The following ABLIM2 variants were observed in gnomAD, a reference collection of about 807,000 sequenced individuals.
ABLIM2 encodes actin-binding LIM protein 2.
ABLIM2 carries 53 observed loss-of-function variants against 97.7 expected under a neutral mutation model. The observed-to-expected ratio is 0.54, with a 90% CI of 0.44 to 0.68. The LOEUF (loss-of-function observed/expected upper bound fraction) is 0.68, where lower values mean the gene tolerates loss of function less well. Among genes scored for constraint, ABLIM2 ranks in the 30% least tolerant of loss-of-function variants. The pLI, the probability that ABLIM2 is intolerant of heterozygous loss-of-function variation, is 0.00. For synonymous variants in ABLIM2, 361 were observed against 345.8 expected (o/e 1.04, Z -0.49); for missense variants, 835 against 867.2 (o/e 0.96, Z 0.47).
In ABLIM2 at chr4:8,071,693, A is replaced by AACCCCCCC; in HGVS notation, c.675+5934_675+5935insGGGGGGGT. ...ACACCTGACTGCTCTGTCCCCAAAA[A>AACCCCCCC]CCCACCCACCCGCAGCCCCTCCTGG... On this transcript the variant is annotated intron_variant, in intron 6 of 20. Coordinates refer to ENST00000447017, the MANE Select transcript of ABLIM2 (RefSeq NM_001130083.2). The surrounding 1 kb of genome is among the most constrained non-coding windows in gnomAD (Gnocchi z 6.2). 1.2e-6 allele frequency: 1 copy of AACCCCCCC among 819,832 alleles called. No individual in the cohort carries two copies. The highest frequency in any genetic ancestry group is 1.5e-6 in the Non-Finnish European group (1 of 679,294). 50.8% of individuals were successfully genotyped at this position (819,832 alleles called of 1,614,324 possible). A position where few individuals can be genotyped will look rare whatever the true frequency, so the allele number is the denominator to read the frequency against.
chr4:7,975,064 A>C (rs1731862368), intron 20 of ABLIM2, among the ~76,000 whole-genome samples: 1 of 152,140 alleles, frequency 6.6e-6, no homozygotes, highest in Admixed American at 6.5e-5. Context: ...ACAAAAAGTA[A>C]AAAATTAGCT....
intron 6 of ABLIM2, among the ~76,000 whole-genome samples, chr4:8,076,626 C>A (rs564133318): frequency 3.3e-5 from 5 of 151,990 alleles, no homozygotes; most frequent in African/African-American, 9.7e-5. Flanking sequence ...TCTCGAGACC[C>A]CCCTGGTCAC....
At chr4:8,012,113 CCCAT>C (rs1234900337) in intron 14 of ABLIM2, among the ~76,000 whole-genome samples, 1 of 151,412 alleles carries the variant, frequency 6.6e-6, no homozygotes, top group Non-Finnish European at 1.5e-5. Flanking sequence ...CATCCATCCA[CCCAT>C]CCTTCACCCA....
At chr4:8,106,962 C>T (rs1481884778) in intron 1 of ABLIM2, among the ~76,000 whole-genome samples, 3 of 152,216 alleles carry the variant, frequency 2.0e-5, no homozygotes, top group African/African-American at 7.2e-5. Flanking sequence ...GCCATCACCT[C>T]CCCACCTGGA....
Position 7,965,564 on chromosome 4 carries a change from A to C in ABLIM2, c.*1426T>G, listed in dbSNP as rs574446406. ...GAGTAAGGCCGACTCACAGGCAGGA[A>C]CATCGGGACACACACAAAGAGGCAA... is the stretch of plus-strand genomic sequence containing the variant. On this transcript the variant is annotated 3_prime_UTR_variant, in exon 21 of 21. Coordinates refer to ENST00000447017, the MANE Select transcript of ABLIM2 (RefSeq NM_001130083.2). The C allele has an allele frequency of 3.6e-4, 55 of 152,540 alleles. No individual in the cohort carries two copies. Among genetic ancestry groups the C allele is most frequent in the African/African-American group, 1.2e-3 (50 of 41,572 alleles). 9.4% of individuals were successfully genotyped at this position (152,540 alleles called of 1,614,324 possible). A position where few individuals can be genotyped will look rare whatever the true frequency, so the allele number is the denominator to read the frequency against.
At position 8,075,201 on chromosome 4, in the gene ABLIM2, T is replaced by TA. The variant is rs1815230547; in HGVS notation, c.675+2426_675+2427insT. Among the ~76,000 whole-genome samples the TA allele has an allele frequency of 6.6e-6, 1 of 152,134 alleles. No homozygotes were observed. Among genetic ancestry groups the TA allele is most frequent in the Admixed American group, 6.6e-5 (1 of 15,266 alleles). ...AAGCCGGTCATGAAAGACTACATAT[T>TA]TCATGATTCCATTCATATGAAACGT... is the stretch of plus-strand genomic sequence containing the variant. On this transcript the variant is annotated intron_variant, in intron 6 of 20. Coordinates refer to ENST00000447017, the MANE Select transcript of ABLIM2 (RefSeq NM_001130083.2). This position sits in a 1 kb window ranked among gnomAD's most constrained non-coding sequence, Gnocchi z 4.4.
At chr4:8,142,804 C>T (rs1011855076) in intron 1 of ABLIM2, among the ~76,000 whole-genome samples, 8 of 152,246 alleles carry the variant, frequency 5.3e-5, no homozygotes, top group African/African-American at 1.7e-4. Flanking sequence ...TCTCTGGACC[C>T]TGCCCTCCCC....
chr4:8,091,343 A>AT (rs1395039827), intron 3 of ABLIM2, among the ~76,000 whole-genome samples: 4 of 27,076 alleles, frequency 1.5e-4, no homozygotes, highest in African/African-American at 7.1e-4. Flanking sequence ...TATATATAAT[A>AT]TATATATAAT....
chr4:8,143,907 G>GC (rs1851397123), intron 1 of ABLIM2, among the ~76,000 whole-genome samples: 1 of 152,152 alleles, frequency 6.6e-6, no homozygotes, highest in African/African-American at 2.4e-5. Context: ...TCTGTGAGGG[G>GC]CATCCTTCCT....
chr4:8,114,157 G>A (rs77242447), intron 1 of ABLIM2, among the ~76,000 whole-genome samples: 1,976 of 152,332 alleles, frequency 0.013, 33 homozygotes, highest in African/African-American at 0.045. Flanking sequence ...GGCTGTGCCC[G>A]AGGGATTTGT....
rs1036140801 is a variant in ABLIM2, at chr4:8,003,245, C to A, written c.1618+4814G>T. ...TAGCAAACACCATGGCTTAGCCCAG[C>A]CTGCCTTAAACATGCTCAGAAACCT... On this transcript the variant is annotated intron_variant, in intron 16 of 20. Coordinates refer to ENST00000447017, the MANE Select transcript of ABLIM2 (RefSeq NM_001130083.2). The surrounding 1 kb of genome is among the most constrained non-coding windows in gnomAD (Gnocchi z 4.2). Among the ~76,000 whole-genome samples the A allele has an allele frequency of 1.3e-5, 2 of 152,240 alleles. No homozygotes were observed. The highest frequency in any genetic ancestry group is 4.8e-5 in the African/African-American group (2 of 41,462).
chr4:7,980,941 A>ATCTTTTTTTTTTTTTTTTTTT lies in ABLIM2; in HGVS notation c.1824+2322_1824+2323insAAAAAAAAAAAAAAAAAAAGA, dbSNP rs1483414043. ...AGAACCATGGTCTCCACAACCCCTT[A>ATCTTTTTTTTTTTTTTTTTTT]TTTTTTTTTTTTTTTTTTTTGAGAT... On this transcript the variant is annotated intron_variant, in intron 20 of 20. Transcript: ENST00000447017. 9.8e-4 allele frequency among the ~76,000 whole-genome samples: 81 copies of ATCTTTTTTTTTTTTTTTTTTT among 82,988 alleles called. 3 individuals are homozygous for ATCTTTTTTTTTTTTTTTTTTT. The highest frequency in any genetic ancestry group is 1.8e-3 in the African/African-American group (32 of 18,110). 54.4% of individuals were successfully genotyped at this position (82,988 alleles called of 152,430 possible). A position where few individuals can be genotyped will look rare whatever the true frequency, so the allele number is the denominator to read the frequency against.
At chr4:8,133,086 G>A (rs367974535) in intron 1 of ABLIM2, among the ~76,000 whole-genome samples, 12 of 152,262 alleles carry the variant, frequency 7.9e-5, no homozygotes, top group African/African-American at 1.4e-4. Context: ...GCTGGCAGCC[G>A]GCAATCCTCC....
rs1253468785 is a variant in ABLIM2 at position 8,044,126 on chromosome 4, A to G, written c.900+1038T>C. On this transcript the variant is annotated intron_variant, in intron 9 of 20. Transcript: ENST00000447017. This position sits in a 1 kb window ranked among gnomAD's most constrained non-coding sequence, Gnocchi z 4.4. The stretch of plus-strand genomic sequence containing the variant: ...AGAGAGGAGGGTCGAAAAGAAGCAC[A>G]GCAGACAGCAGATCCAATAAACTGT... Among the ~76,000 whole-genome samples the G allele has an allele frequency of 1.3e-5, 2 of 152,254 alleles. No homozygotes were observed. The highest frequency in any genetic ancestry group is 2.9e-5 in the Non-Finnish European group (2 of 68,038).
chr4:8,005,629 C>T lies in ABLIM2; in HGVS notation c.1618+2430G>A, dbSNP rs575083206. On this transcript the variant is annotated intron_variant, in intron 16 of 20. Coordinates refer to ENST00000447017, the MANE Select transcript of ABLIM2 (RefSeq NM_001130083.2). The surrounding 1 kb of genome is among the most constrained non-coding windows in gnomAD (Gnocchi z 4.9). The stretch of plus-strand genomic sequence containing the variant: ...CCTGGATTCCTCAGGAGGCCGCAGA[C>T]GGCAAGGCTCACCTGATCCAGGCAC... Among the ~76,000 whole-genome samples, 9 of 152,306 alleles carry T rather than the reference C, an allele frequency of 5.9e-5. No homozygotes were observed. In the South Asian group the frequency reaches 1.0e-3, roughly 18 times the overall value.
intron 1 of ABLIM2, among the ~76,000 whole-genome samples, chr4:8,145,340 C>A (rs374565693): frequency 2.0e-5 from 3 of 152,102 alleles, no homozygotes; most frequent in African/African-American, 7.2e-5. Context: ...CACACCACCA[C>A]GCCCAGCTAA....
At chr4:8,028,926 G>A (rs975362351) in intron 11 of ABLIM2, among the ~76,000 whole-genome samples, 3 of 152,254 alleles carry the variant, frequency 2.0e-5, no homozygotes, top group African/African-American at 7.2e-5. Context: ...ATGTATAAAT[G>A]GAGGCATGCA....
At chr4:8,029,625 G>A (rs1188891391) in intron 11 of ABLIM2, 31 bp downstream of exon 11, 1 of 1,458,692 alleles carries the variant, frequency 6.9e-7, no homozygotes, top group Admixed American at 2.3e-5. Flanking sequence ...ACAGCATCCT[G>A]GGGGCTCAGA....
intron 18 of ABLIM2, 83 bp downstream of exon 18, chr4:7,984,756 G>C (rs1404788614): frequency 7.1e-7 from 1 of 1,416,178 alleles, no homozygotes; most frequent in Non-Finnish European, 9.6e-7. Context: ...GCTGCGGATG[G>C]GGTGGTTTCA....
Sources: gnomAD v4.1 joint callset for allele counts (sites outside exome capture counted in the v4.1 genomes callset) on GRCh38, gnomAD v4.1.1 for gene constraint, Gnocchi (gnomAD v3.1) non-coding constraint, MANE v1.5 for transcripts, NCBI Gene and HGNC (gene_info 2026-07-23, HGNC 2026-07-21) for gene names.